Variants in TBC1D9B observed in about 807,000 individuals in gnomAD.
The protein encoded by TBC1D9B is TBC1 domain family member 9B.
In TBC1D9B, 87 loss-of-function variants were observed where a neutral mutation model predicts 121.1. That is an observed-to-expected ratio of 0.72 (90% CI 0.60 to 0.86). TBC1D9B has a LOEUF of 0.86. Ranked by LOEUF, TBC1D9B falls within the 40% of genes least tolerant of loss-of-function variation. TBC1D9B has a pLI of 0.00. For synonymous variants in TBC1D9B, 668 were observed against 670.1 expected (o/e 1.00, Z 0.05); for missense variants, 1,540 against 1,628.6 (o/e 0.95, Z 0.94).
intron 1 of TBC1D9B, among the ~76,000 whole-genome samples, chr5:179,905,390 G>C (rs959273411): frequency 5.9e-5 from 9 of 152,164 alleles, no homozygotes; most frequent in Admixed American, 5.2e-4. Context: ...CCTTTGCCAT[G>C]ACTCACTGAT....
intron 1 of TBC1D9B, among the ~76,000 whole-genome samples, chr5:179,905,162 C>A (rs939677678): frequency 2.0e-5 from 3 of 152,046 alleles, no homozygotes; most frequent in Non-Finnish European, 2.9e-5. Flanking sequence ...TGCTTTAGAC[C>A]GAGAAAGTAC....
rs1175135980 is a variant in TBC1D9B at position 179,867,843 on chromosome 5, C to A, written c.2798G>T (p.Ser933Ile). 3 of 1,520,110 alleles carry A rather than the reference C, an allele frequency of 2.0e-6. No individual in the cohort carries two copies. Among genetic ancestry groups the A allele is most frequent in the Non-Finnish European group, 2.6e-6 (3 of 1,134,234 alleles). 94.2% of individuals were successfully genotyped at this position (1,520,110 alleles called of 1,614,324 possible). ...LYKLHLPPAL[S>I]PEEAESALEA... is the part of the protein sequence containing the mutation. ...CAGGGCTGACTCGGCTTCCTCTGGG[C>A]TCAGAGCTGTGCTTGGAGAGAAGGC... The change falls in exon 18 of 21, where the codon AGC becomes ATC. Residue 933 changes from serine to isoleucine, a missense_variant. Physicochemically the swap from Ser to Ile is moderately radical, Grantham distance 142. Transcript: ENST00000355235.
Position 179,877,293 on chromosome 5 carries a change from G to A in TBC1D9B, c.1782+1016C>T, listed in dbSNP as rs115426476. On this transcript the variant is annotated intron_variant, in intron 10 of 20. Transcript: ENST00000355235. The stretch of plus-strand genomic sequence containing the variant: ...AGACCGGAAGATCCCCTGGTCCAAG[G>A]AGCTTGAGACCAGCCTGGACAACAT... Among the ~76,000 whole-genome samples, 1,086 of 151,736 alleles carry A rather than the reference G, an allele frequency of 7.2e-3. 7 individuals carry two copies. The highest frequency in any genetic ancestry group is 0.011 in the Non-Finnish European group (722 of 67,946).
chr5:179,889,871 CAAAAA>C (rs397883158), intron 6 of TBC1D9B, among the ~76,000 whole-genome samples: 3 of 48,924 alleles, frequency 6.1e-5, no homozygotes, highest in African/African-American at 8.7e-5. Flanking sequence ...GACCCTGTCT[CAAAAA>C]AAAAAAAAAA....
At chr5:179,901,159 C>T (rs576555357) in intron 2 of TBC1D9B, among the ~76,000 whole-genome samples, 69 of 152,350 alleles carry the variant, frequency 4.5e-4, no homozygotes, top group African/African-American at 1.6e-3. Flanking sequence ...CCCAGAATCA[C>T]ACAGCTTGCA....
chr5:179,902,970 G>A lies in TBC1D9B; in HGVS notation c.229+1732C>T, dbSNP rs181951425. ...GCTGGTCAGGATGCCCGTGCAGAGC[G>A]CCCACCTGGGAGTGGGGCTATTCCC... On this transcript the variant is annotated intron_variant, in intron 2 of 20. Coordinates refer to ENST00000355235, the MANE Select transcript of TBC1D9B (RefSeq NM_015043.4). The surrounding 1 kb of genome is among the most constrained non-coding windows in gnomAD (Gnocchi z 4.9). 5.9e-5 allele frequency among the ~76,000 whole-genome samples: 9 copies of A among 152,290 alleles called. No individual in the cohort carries two copies. The East Asian group carries it at 1.7e-3, about 29-fold the overall frequency.
Position 179,902,961 on chromosome 5 carries a change from G to A in TBC1D9B, c.229+1741C>T, listed in dbSNP as rs959179473. On this transcript the variant is annotated intron_variant, in intron 2 of 20. Coordinates refer to ENST00000355235, the MANE Select transcript of TBC1D9B (RefSeq NM_015043.4). This position sits in a 1 kb window ranked among gnomAD's most constrained non-coding sequence, Gnocchi z 4.9. ...AAGGGCACTGCTGGTCAGGATGCCC[G>A]TGCAGAGCGCCCACCTGGGAGTGGG... 6.6e-5 allele frequency among the ~76,000 whole-genome samples: 10 copies of A among 152,172 alleles called. No homozygotes were observed. The highest frequency in any genetic ancestry group is 9.7e-5 in the African/African-American group (4 of 41,438).
intron 13 of TBC1D9B, 40 bp from the exon 14 acceptor site, chr5:179,873,030 A>G: frequency 1.2e-6 from 2 of 1,613,724 alleles, no homozygotes; most frequent in Non-Finnish European, 1.7e-6. Flanking sequence ...AGCCAACTGC[A>G]GGGCAGAGGG....
chr5:179,871,402 C>A (rs1283439188), intron 15 of TBC1D9B, 60 bp downstream of exon 15: 4 of 1,545,038 alleles, frequency 2.6e-6, no homozygotes, highest in South Asian at 1.1e-5. Context: ...AGATCCATTT[C>A]TTTTCTGGCA....
chr5:179,872,527 G>T, intron 14 of TBC1D9B: 1 of 262,290 alleles, frequency 3.8e-6, no homozygotes. Flanking sequence ...GCTTGTGGCA[G>T]ACACATGCCA....
Position 179,863,963 on chromosome 5 carries a change from C to T in TBC1D9B, c.3187G>A (p.Ala1063Thr). The part of the protein sequence containing the change: ...ARTGRKPRDC[A>T]TEEDEPPAPE... ...GCTGGTGGCTCGTCCTCCTCAGTGG[C>T]ACAGTCCCTGGGCTTCCTGCCTGTG... The change falls in exon 21 of 21, where the codon GCC becomes ACC. Residue 1063 changes from alanine (A) to threonine (T), a missense_variant. Ala to Thr is a moderately conservative substitution (Grantham distance 58). Coordinates refer to ENST00000355235, the MANE Select transcript of TBC1D9B (RefSeq NM_015043.4). The surrounding 1 kb of genome is among the most constrained non-coding windows in gnomAD (Gnocchi z 4.5). The T allele has an allele frequency of 6.2e-7, 1 of 1,613,832 alleles. No homozygotes were observed. Among genetic ancestry groups the T allele is most frequent in the Non-Finnish European group, 8.5e-7 (1 of 1,180,052 alleles).
At chr5:179,867,331 C>T (rs1370707606) in intron 18 of TBC1D9B, 2 of 1,207,556 alleles carry the variant, frequency 1.7e-6, no homozygotes, top group African/African-American at 1.5e-5. Flanking sequence ...GAACTTATGC[C>T]CCAGAGGATG....
chr5:179,865,408 G>T lies in TBC1D9B; in HGVS notation c.2915-48C>A. 1.3e-6 allele frequency: 2 copies of T among 1,562,602 alleles called. No homozygotes were observed. The highest frequency in any genetic ancestry group is 1.8e-6 in the Non-Finnish European group (2 of 1,133,620). On this transcript the variant is annotated intron_variant, in intron 19 of 20. Transcript: ENST00000355235. The surrounding 1 kb of genome is among the most constrained non-coding windows in gnomAD (Gnocchi z 5.1). ...TTAATCTTTGTCATGTGAGACGGCT[G>T]CGGGCTGACAGCAGGGAGAGGAAGA...
chr5:179,887,643 AC>A (rs1760726522), intron 7 of TBC1D9B: 1 of 179,682 alleles, frequency 5.6e-6, no homozygotes, highest in Non-Finnish European at 1.1e-5. Flanking sequence ...GTACACTTGC[AC>A]ACGGGGAAGT....
Position 179,902,425 on chromosome 5 carries a change from T to C in TBC1D9B, c.229+2277A>G, listed in dbSNP as rs1761189454. Reference sequence around the variant, plus strand: ...GGGTCAGGACTCACTAAGCAGGTGCTGGCAGGGCCATGTCTGGTCTTGGTG... The same window carrying C: ...GGGTCAGGACTCACTAAGCAGGTGCCGGCAGGGCCATGTCTGGTCTTGGTG... On this transcript the variant is annotated intron_variant, in intron 2 of 20. Transcript: ENST00000355235. This position sits in a 1 kb window ranked among gnomAD's most constrained non-coding sequence, Gnocchi z 4.9. Among the ~76,000 whole-genome samples the C allele has an allele frequency of 6.6e-6, 1 of 152,030 alleles. No individual in the cohort carries two copies. The highest frequency in any genetic ancestry group is 2.4e-5 in the African/African-American group (1 of 41,396).
chr5:179,869,140 G>C (rs1389922011), intron 17 of TBC1D9B: 1 of 171,614 alleles, frequency 5.8e-6, no homozygotes, highest in African/African-American at 2.4e-5. Flanking sequence ...AGATGGCAAA[G>C]CGACAGCAGG....
chr5:179,905,136 A>C (rs1363868987), intron 1 of TBC1D9B, among the ~76,000 whole-genome samples: 1 of 152,238 alleles, frequency 6.6e-6, no homozygotes, highest in African/African-American at 2.4e-5. Flanking sequence ...ACAAAACTAG[A>C]CTACAAAACA....
At chr5:179,879,924 GC>G (rs956171678) in intron 7 of TBC1D9B, 135 bp from the exon 8 acceptor site, 10 of 1,100,732 alleles carry the variant, frequency 9.1e-6, no homozygotes, top group Non-Finnish European at 1.1e-5. Flanking sequence ...ACGGAGAAGA[GC>G]CTGTCTGGCT....
At chr5:179,887,397 T>G (rs983934741) in intron 7 of TBC1D9B, among the ~76,000 whole-genome samples, 1 of 152,176 alleles carries the variant, frequency 6.6e-6, no homozygotes, top group Non-Finnish European at 1.5e-5. Context: ...TCAACCAACT[T>G]AAACAAGAGA....
Sources: gnomAD v4.1 joint callset for allele counts (sites outside exome capture counted in the v4.1 genomes callset) on GRCh38, gnomAD v4.1.1 for gene constraint, Gnocchi (gnomAD v3.1) non-coding constraint, MANE v1.5 for transcripts, NCBI Gene and HGNC (gene_info 2026-07-23, HGNC 2026-07-21) for gene names.